ST8SIA1: variants seen among roughly 807,000 people sequenced by gnomAD.
ST8SIA1 encodes the protein alpha-N-acetylneuraminide alpha-2,8-sialyltransferase.
ST8SIA1 carries 16 observed loss-of-function variants against 35.9 expected under a neutral mutation model. The ratio of observed to expected loss-of-function variants is 0.45; its 90% CI spans 0.30 to 0.68. The LOEUF (loss-of-function observed/expected upper bound fraction) is 0.68, where lower values mean the gene tolerates loss of function less well. Among genes scored for constraint, ST8SIA1 ranks in the 30% least tolerant of loss-of-function variants. The probability of loss-of-function intolerance (pLI) is 0.09; values close to 1 mark genes in which losing one functional copy is unlikely to be tolerated. For missense variants in ST8SIA1, 383 were observed against 453.6 expected, an observed-to-expected ratio of 0.84 and a Z score of 1.41; for synonymous variants, 170 against 169.6, an observed-to-expected ratio of 1.00 and a Z score of -0.02.
chr12:22,325,400 C>T, intron 1 of ST8SIA1: 1 of 699,936 alleles, frequency 1.4e-6, no homozygotes, highest in Admixed American at 2.0e-5. Flanking sequence ...CTCCTGGCAC[C>T]TAATTAGAGC....
rs533408328 is a variant in ST8SIA1, at chr12:22,193,457, T to C, written c.*8095A>G. ...TCTCCAAGTAAAGGAGGTAGAGAAA[T>C]TGAGACTTACCGAACCTTCTCACTG... On this transcript the variant is annotated 3_prime_UTR_variant, in exon 5 of 5. Transcript: ENST00000396037. The C allele has an allele frequency of 2.3e-4, 35 of 152,294 alleles. No homozygotes were observed. Among genetic ancestry groups the C allele is most frequent in the African/African-American group, 7.2e-4 (30 of 41,576 alleles). The allele number at this position is 152,294 out of a possible 1,614,324, so 9.4% of individuals were successfully genotyped here.
intron 2 of ST8SIA1, among the ~76,000 whole-genome samples, chr12:22,260,873 TG>T (rs1865782462): frequency 2.5e-5 from 3 of 121,386 alleles, no homozygotes; most frequent in Non-Finnish European, 5.3e-5. Flanking sequence ...ATATAGTTGT[TG>T]TTTTTTTTTT....
intron 1 of ST8SIA1, among the ~76,000 whole-genome samples, chr12:22,295,529 T>G (rs551293388): frequency 3.3e-5 from 5 of 152,170 alleles, no homozygotes; most frequent in South Asian, 4.1e-4. Context: ...GCCCAGGAGT[T>G]TGAGACCAGC....
chr12:22,295,591 T>G (rs1236730251), intron 1 of ST8SIA1, among the ~76,000 whole-genome samples: 2 of 151,784 alleles, frequency 1.3e-5, no homozygotes, highest in Admixed American at 6.6e-5. Context: ...TTAATTAGCC[T>G]GATGTGGCGA....
intron 4 of ST8SIA1, among the ~76,000 whole-genome samples, chr12:22,216,335 A>G (rs961810860): frequency 1.3e-5 from 2 of 152,100 alleles, no homozygotes; most frequent in Non-Finnish European, 2.9e-5. Context: ...CTACACCTTC[A>G]GCCTCTTTTC....
rs1865035965 is a variant in ST8SIA1 at position 22,200,332 on chromosome 12, A to C, written c.*1220T>G. The C allele has an allele frequency of 6.6e-6, 1 of 152,174 alleles. No homozygotes were observed. The highest frequency in any genetic ancestry group is 1.5e-5 in the Non-Finnish European group (1 of 68,026). 9.4% of individuals were successfully genotyped at this position (152,174 alleles called of 1,614,324 possible). A position where few individuals can be genotyped will look rare whatever the true frequency, so the allele number is the denominator to read the frequency against. On this transcript the variant is annotated 3_prime_UTR_variant, in exon 5 of 5. Transcript: ENST00000396037. Reference sequence around the variant, plus strand: ...TTGTGATTCTCCAACACTGGTTACAAATTTTTGCCATACCAGGTCATATGA... The same window carrying C: ...TTGTGATTCTCCAACACTGGTTACACATTTTTGCCATACCAGGTCATATGA...
intron 1 of ST8SIA1, among the ~76,000 whole-genome samples, chr12:22,290,664 G>GT (rs1404224969): frequency 1.2e-4 from 19 of 152,152 alleles, no homozygotes; most frequent in Admixed American, 6.5e-5. Context: ...TGCAGGAAGG[G>GT]TTTCCTGATC....
chr12:22,243,954 C>T (rs984814109), intron 4 of ST8SIA1, among the ~76,000 whole-genome samples: 3 of 151,650 alleles, frequency 2.0e-5, no homozygotes, highest in Admixed American at 6.6e-5. Flanking sequence ...TCTCTTGAAC[C>T]GGGAGGCAGA....
At chr12:22,325,744 T>G in intron 1 of ST8SIA1, 1 of 638,554 alleles carries the variant, frequency 1.6e-6, no homozygotes. Flanking sequence ...TTAGGCACAG[T>G]AAGAGATGAA....
At chr12:22,236,979 A>G (rs1253893017) in intron 4 of ST8SIA1, among the ~76,000 whole-genome samples, 2 of 152,238 alleles carry the variant, frequency 1.3e-5, no homozygotes, top group African/African-American at 4.8e-5. Context: ...ATCTCACTTA[A>G]ATCTGGAAGG....
At chr12:22,297,082 T>C (rs1866255574) in intron 1 of ST8SIA1, among the ~76,000 whole-genome samples, 1 of 152,060 alleles carries the variant, frequency 6.6e-6, no homozygotes, top group Non-Finnish European at 1.5e-5. Flanking sequence ...ATATAATAGA[T>C]ATAAGAACTC....
intron 1 of ST8SIA1, among the ~76,000 whole-genome samples, chr12:22,293,341 A>C (rs531879600): frequency 6.6e-6 from 1 of 152,364 alleles, no homozygotes; most frequent in South Asian, 2.1e-4. Flanking sequence ...AATGTTTGGT[A>C]AGGTTTCAAA....
At chr12:22,299,324 T>C (rs544728128) in intron 1 of ST8SIA1, among the ~76,000 whole-genome samples, 1 of 152,176 alleles carries the variant, frequency 6.6e-6, no homozygotes, top group Non-Finnish European at 1.5e-5. Flanking sequence ...AAGACAGATG[T>C]AAAGAAAGTT....
At chr12:22,299,009 C>A (rs1866283293) in intron 1 of ST8SIA1, among the ~76,000 whole-genome samples, 1 of 151,542 alleles carries the variant, frequency 6.6e-6, no homozygotes. Context: ...AAAGAAGCGA[C>A]AACTGGCAAA....
intron 1 of ST8SIA1, among the ~76,000 whole-genome samples, chr12:22,308,749 C>T (rs1337854297): frequency 6.6e-6 from 1 of 152,146 alleles, no homozygotes; most frequent in Non-Finnish European, 1.5e-5. Flanking sequence ...TCATCCTGAT[C>T]GCTGAAGCAT....
chr12:22,214,733 A>C (rs1365839366), intron 4 of ST8SIA1, among the ~76,000 whole-genome samples: 2 of 152,196 alleles, frequency 1.3e-5, no homozygotes, highest in African/African-American at 2.4e-5. Context: ...TTGAGATAAA[A>C]ATCAAAAGAT....
intron 1 of ST8SIA1, among the ~76,000 whole-genome samples, chr12:22,307,077 T>C (rs1866393781): frequency 3.9e-5 from 6 of 152,080 alleles, no homozygotes; most frequent in Admixed American, 3.3e-4. Flanking sequence ...GCCTCCTGCT[T>C]GTCTGTTTTC....
intron 2 of ST8SIA1, among the ~76,000 whole-genome samples, chr12:22,273,546 A>G (rs1469308254): frequency 6.6e-6 from 1 of 152,180 alleles, no homozygotes; most frequent in Non-Finnish European, 1.5e-5. Context: ...CTTCCTGGTC[A>G]TGAGACAAGA....
At chr12:22,267,285 G>C (rs757990305) in intron 2 of ST8SIA1, among the ~76,000 whole-genome samples, 1 of 152,124 alleles carries the variant, frequency 6.6e-6, no homozygotes, top group Admixed American at 6.6e-5. Flanking sequence ...CTAGGCACCT[G>C]AACTATCAGG....
Sources: allele counts gnomAD v4.1 joint callset (sites outside exome capture counted in the v4.1 genomes callset), GRCh38; gene constraint gnomAD v4.1.1; transcripts MANE v1.5; gene names NCBI Gene and HGNC (gene_info 2026-07-23, HGNC 2026-07-21).